The following SCRG1 variants were observed in gnomAD, a reference collection of about 807,000 sequenced individuals.
SCRG1 encodes the protein scrapie-responsive protein 1.
In SCRG1, 3 loss-of-function variants were observed where a neutral mutation model predicts 7.7. The observed-to-expected ratio is 0.39, with a 90% CI of 0.18 to 1.01. The LOEUF is 1.01. Ranked by LOEUF, SCRG1 falls within the 50% of genes least tolerant of loss-of-function variation. The pLI is 0.36. For missense variants in SCRG1, 110 were observed against 117.2 expected, an observed-to-expected ratio of 0.94 and a Z score of 0.28; for synonymous variants, 46 against 41.2, an observed-to-expected ratio of 1.12 and a Z score of -0.44.
intron 1 of SCRG1, among the ~76,000 whole-genome samples, chr4:173,406,010 C>T (rs1048715593): frequency 1.3e-5 from 2 of 152,204 alleles, no homozygotes; most frequent in Non-Finnish European, 2.9e-5. Flanking sequence ...TGTATACCAA[C>T]CTGTGTAAAT....
At chr4:173,391,514 A>G in intron 1 of SCRG1, 86 bp from the exon 2 acceptor site, 1 of 1,363,866 alleles carries the variant, frequency 7.3e-7, no homozygotes, top group Admixed American at 1.8e-5. Context: ...GCATGCTTAT[A>G]AACCCTTGGA....
chr4:173,463,222 G>A, the SCRG1 span, among the ~76,000 whole-genome samples: 1 of 152,280 alleles, frequency 6.6e-6, no homozygotes, highest in Admixed American at 6.5e-5. Context: ...CCTGGATTCT[G>A]AGAATTACCA....
the SCRG1 span, among the ~76,000 whole-genome samples, chr4:173,476,361 A>ATATATATATATATATATATATATATAT: frequency 5.4e-4 from 28 of 51,394 alleles, no homozygotes; most frequent in African/African-American, 1.1e-3. Flanking sequence ...GGGGAAAAAA[A>ATATATATATATATATATATATATATAT]AAATATATAT....
At position 173,391,259 on chromosome 4, in the gene SCRG1, A is replaced by G. The variant is rs866556478; in HGVS notation, c.156T>C (p.Asp52=). 15 of 1,614,182 alleles carry G rather than the reference A, an allele frequency of 9.3e-6. No individual in the cohort carries two copies. Among genetic ancestry groups the G allele is most frequent in the South Asian group, 8.8e-5 (8 of 91,078 alleles). The change falls in exon 2 of 3, where the codon GAT becomes GAC. Residue 52 remains aspartate (D), a synonymous_variant. Coordinates refer to ENST00000296506, the MANE Select transcript of SCRG1 (RefSeq NM_007281.4). Reference sequence around the variant, plus strand: ...CCCAGAAATGATCCTGGACATTGACATCAATCTGTGTCAGGTCAGCTACTC... The same window carrying G: ...CCCAGAAATGATCCTGGACATTGACGTCAATCTGTGTCAGGTCAGCTACTC... ...PEGVADLTQI[D]VNVQDHFWDG... is the part of the protein sequence containing the mutation.
At chr4:173,419,823 T>C in the SCRG1 span, 1 of 1,430,420 alleles carries the variant, frequency 7.0e-7, no homozygotes. Context: ...CCTTCATAGA[T>C]CTTGTCCATG....
the SCRG1 span, among the ~76,000 whole-genome samples, chr4:173,473,101 C>A: frequency 6.6e-6 from 1 of 152,202 alleles, no homozygotes; most frequent in Non-Finnish European, 1.5e-5. Context: ...AAGTAGCCCC[C>A]ACTTAATGTG....
chr4:173,475,635 T>C, the SCRG1 span, among the ~76,000 whole-genome samples: 1 of 152,188 alleles, frequency 6.6e-6, no homozygotes, highest in Non-Finnish European at 1.5e-5. Context: ...CAGATATCTA[T>C]ACACCAATGT....
At chr4:173,464,068 A>G in the SCRG1 span, among the ~76,000 whole-genome samples, 1 of 152,148 alleles carries the variant, frequency 6.6e-6, no homozygotes, top group Non-Finnish European at 1.5e-5. Flanking sequence ...CTTCTATTTC[A>G]GTGGAAGGGT....
chr4:173,411,540 T>A, the SCRG1 span, among the ~76,000 whole-genome samples: 2 of 152,210 alleles, frequency 1.3e-5, no homozygotes, highest in African/African-American at 4.8e-5. Context: ...TGAGGATAAA[T>A]TGCAACATAT....
the SCRG1 span, among the ~76,000 whole-genome samples, chr4:173,485,272 A>C: frequency 7.1e-6 from 1 of 141,006 alleles, no homozygotes; most frequent in Admixed American, 7.9e-5. Flanking sequence ...GTGACTTCTC[A>C]GCCTTGGTCT....
chr4:173,460,328 G>T, the SCRG1 span, among the ~76,000 whole-genome samples: 8 of 152,162 alleles, frequency 5.3e-5, no homozygotes, highest in African/African-American at 1.2e-4. Flanking sequence ...TGAGACACCA[G>T]CTGGGGCAGC....
upstream of SCRG1, among the ~76,000 whole-genome samples, chr4:173,402,361 C>T (rs559989718): frequency 2.0e-5 from 3 of 151,694 alleles, 1 homozygote; most frequent in African/African-American, 2.4e-5. Flanking sequence ...AAGACCAATT[C>T]GTGAGTAGAG....
the SCRG1 span, among the ~76,000 whole-genome samples, chr4:173,454,065 G>A: frequency 7.3e-6 from 1 of 137,204 alleles, no homozygotes; most frequent in Non-Finnish European, 1.6e-5. Context: ...GTGACAGAAC[G>A]AGACTCCGTC....
At chr4:173,445,454 C>A in the SCRG1 span, among the ~76,000 whole-genome samples, 1 of 151,354 alleles carries the variant, frequency 6.6e-6, no homozygotes, top group East Asian at 2.0e-4. Flanking sequence ...TGGTGGCAGG[C>A]GCCTGTAATC....
chr4:173,493,085 C>G, the SCRG1 span, among the ~76,000 whole-genome samples: 1 of 152,050 alleles, frequency 6.6e-6, no homozygotes, highest in South Asian at 2.1e-4. Context: ...AACCGAGAGC[C>G]GTGTTGTTGT....
chr4:173,460,707 C>G, the SCRG1 span, among the ~76,000 whole-genome samples: 2 of 152,174 alleles, frequency 1.3e-5, no homozygotes, highest in African/African-American at 2.4e-5. Flanking sequence ...GCCTCTGAGA[C>G]GTGCTGGCTT....
the SCRG1 span, among the ~76,000 whole-genome samples, chr4:173,483,258 TATATC>T: frequency 6.0e-5 from 4 of 66,328 alleles, no homozygotes; most frequent in Non-Finnish European, 8.1e-5. Flanking sequence ...TCATATATGA[TATATC>T]ATATATGATA....
chr4:173,406,670 T>C (rs1739914759), upstream of SCRG1, among the ~76,000 whole-genome samples: 1 of 152,180 alleles, frequency 6.6e-6, no homozygotes, highest in Non-Finnish European at 1.5e-5. Flanking sequence ...GCCATTGATC[T>C]TTTTACCATC....
At chr4:173,396,712 TTGTGTG>T (rs71594043) in intron 1 of SCRG1, among the ~76,000 whole-genome samples, 16 of 107,076 alleles carry the variant, frequency 1.5e-4, no homozygotes, top group South Asian at 1.2e-3. Context: ...ACTGGTAGTT[TTGTGTG>T]TGTGTGTGTG....
Sources: gnomAD v4.1 joint callset for allele counts (sites outside exome capture counted in the v4.1 genomes callset) on GRCh38, gnomAD v4.1.1 for gene constraint, MANE v1.5 for transcripts, NCBI Gene and HGNC (gene_info 2026-07-23, HGNC 2026-07-21) for gene names.